Variants in UBXN7 observed in about 807,000 individuals in gnomAD.
UBXN7 encodes UBX domain-containing protein 7.
A neutral mutation model predicts 58.0 loss-of-function variants in UBXN7; 9 were observed. That is an observed-to-expected ratio of 0.16 (90% confidence interval 0.09 to 0.27). UBXN7 has a LOEUF of 0.27. UBXN7 is among the 10% of genes least tolerant of loss of function. UBXN7 has a pLI of 1.00. For synonymous variants in UBXN7, 208 were observed against 205.0 expected (o/e 1.01, Z -0.12); for missense variants, 328 against 599.6 (o/e 0.55, Z 4.73).
At chr3:196,400,786 T>C (rs1413145590) in intron 3 of UBXN7, 2 of 326,894 alleles carry the variant, frequency 6.1e-6, no homozygotes, top group Admixed American at 4.5e-5. Context: ...AATGGAATTC[T>C]TCTGCCTCTG....
chr3:196,412,394 T>C (rs1298146485), intron 1 of UBXN7, among the ~76,000 whole-genome samples: 1 of 152,052 alleles, frequency 6.6e-6, no homozygotes, highest in Non-Finnish European at 1.5e-5. Flanking sequence ...TACCAGCTTA[T>C]ACCCATTAAA....
At chr3:196,412,423 C>A (rs1730361353) in intron 1 of UBXN7, among the ~76,000 whole-genome samples, 1 of 151,506 alleles carries the variant, frequency 6.6e-6, no homozygotes, top group Non-Finnish European at 1.5e-5. Context: ...TATTAAAAAA[C>A]AAAAAATAAC....
Position 196,362,386 on chromosome 3 carries a change from G to T in UBXN7, c.1136C>A (p.Thr379Lys). 6.2e-7 allele frequency: 1 copy of T among 1,614,202 alleles called. No homozygotes were observed. The highest frequency in any genetic ancestry group is 1.1e-5 in the South Asian group (1 of 91,086). Residue 379 changes from threonine to lysine, a missense_variant, in exon 9 of 11, where the codon ACA becomes AAA. Coordinates refer to ENST00000296328, the MANE Select transcript of UBXN7 (RefSeq NM_015562.2). ...PPVRTDPGTA[T>K]NHQGLPAVDS... Reference sequence around the variant, plus strand: ...CACAGCTGGCAATCCTTGGTGGTTTGTGGCTGTTCCAGGATCAGTTCTGAC... The same window carrying T: ...CACAGCTGGCAATCCTTGGTGGTTTTTGGCTGTTCCAGGATCAGTTCTGAC...
chr3:196,398,542 A>C (rs1032985056), intron 3 of UBXN7, among the ~76,000 whole-genome samples: 7 of 152,216 alleles, frequency 4.6e-5, no homozygotes, highest in Non-Finnish European at 1.0e-4. Flanking sequence ...CACTGATCTT[A>C]TCAGAAAGCC....
At chr3:196,364,208 C>T (rs952996363) in intron 8 of UBXN7, among the ~76,000 whole-genome samples, 1 of 152,074 alleles carries the variant, frequency 6.6e-6, no homozygotes, top group Non-Finnish European at 1.5e-5. Context: ...TAATGAATCA[C>T]AAAATACGTT....
chr3:196,358,396 T>C (rs1003486781), intron 10 of UBXN7, among the ~76,000 whole-genome samples: 7 of 152,186 alleles, frequency 4.6e-5, no homozygotes, highest in African/African-American at 1.4e-4. Context: ...CACTGGAACA[T>C]ACCTTACGTG....
intron 3 of UBXN7, among the ~76,000 whole-genome samples, chr3:196,395,040 T>C (rs1034517024): frequency 6.6e-6 from 1 of 152,214 alleles, no homozygotes; most frequent in African/African-American, 2.4e-5. Flanking sequence ...CCAGATCATT[T>C]ATGTACATTA....
intron 1 of UBXN7, among the ~76,000 whole-genome samples, chr3:196,419,562 G>C (rs755939001): frequency 6.6e-6 from 1 of 152,152 alleles, no homozygotes; most frequent in Non-Finnish European, 1.5e-5. Context: ...TGTTCTTAGC[G>C]TATCACTTAG....
Position 196,393,546 on chromosome 3 carries a change from A to G in UBXN7, c.355+8T>C, listed in dbSNP as rs772819468. On this transcript the variant is annotated splice_region_variant and intron_variant, in intron 4 of 10. Coordinates refer to ENST00000296328, the MANE Select transcript of UBXN7 (RefSeq NM_015562.2). The stretch of plus-strand genomic sequence containing the variant: ...AGGGAGATGATAAACTGGTCCATAG[A>G]TACCTACTAGTTTCAGTCTGAAAAT... 1 of 1,611,808 alleles carries G rather than the reference A, an allele frequency of 6.2e-7. No homozygotes were observed. Among genetic ancestry groups the G allele is most frequent in the Non-Finnish European group, 8.5e-7 (1 of 1,178,660 alleles).
intron 1 of UBXN7, among the ~76,000 whole-genome samples, chr3:196,430,878 A>G (rs1159370753): frequency 6.6e-6 from 1 of 152,102 alleles, no homozygotes; most frequent in African/African-American, 2.4e-5. Flanking sequence ...TTAATATAAT[A>G]ATCCAATCCT....
chr3:196,359,276 C>T (rs548244407), intron 10 of UBXN7, among the ~76,000 whole-genome samples: 2 of 152,072 alleles, frequency 1.3e-5, no homozygotes, highest in African/African-American at 4.8e-5. Context: ...CACACAAGAC[C>T]GCAAACTTAA....
At chr3:196,403,469 G>C (rs765289817) in intron 2 of UBXN7, among the ~76,000 whole-genome samples, 1 of 152,130 alleles carries the variant, frequency 6.6e-6, no homozygotes, top group African/African-American at 2.4e-5. Flanking sequence ...GCTGATAAAT[G>C]AGTTTTAGAT....
intron 8 of UBXN7, 76 bp from the exon 9 acceptor site, chr3:196,362,763 T>C (rs1728539376): frequency 2.0e-6 from 3 of 1,495,210 alleles, no homozygotes; most frequent in South Asian, 1.3e-5. Context: ...ATAAGAAATA[T>C]AATAGCTTGC....
At chr3:196,386,262 G>T (rs1424357341) in intron 5 of UBXN7, among the ~76,000 whole-genome samples, 1 of 151,410 alleles carries the variant, frequency 6.6e-6, no homozygotes, top group Non-Finnish European at 1.5e-5. Context: ...GGCCCTCTGC[G>T]TAGGAAAACC....
At chr3:196,407,183 TA>T in intron 2 of UBXN7, 62 bp downstream of exon 2, 1 of 1,571,954 alleles carries the variant, frequency 6.4e-7, no homozygotes, top group East Asian at 2.3e-5. Context: ...CTAGCTTTGA[TA>T]AAAATGCAAC....
chr3:196,419,902 A>G (rs1308306331), intron 1 of UBXN7, among the ~76,000 whole-genome samples: 1 of 152,248 alleles, frequency 6.6e-6, no homozygotes, highest in Non-Finnish European at 1.5e-5. Flanking sequence ...TGGAATGGAT[A>G]GAACAGTCCT....
intron 1 of UBXN7, among the ~76,000 whole-genome samples, chr3:196,431,206 T>TA (rs1731034324): frequency 6.6e-6 from 1 of 152,156 alleles, no homozygotes; most frequent in African/African-American, 2.4e-5. Context: ...AATTACGAGA[T>TA]AAAGTATAGA....
At chr3:196,432,029 C>T in intron 1 of UBXN7, 2 of 549,056 alleles carry the variant, frequency 3.6e-6, no homozygotes, top group Non-Finnish European at 6.6e-6. Flanking sequence ...CCCCGGGTCC[C>T]CGGGCCGGCG....
At chr3:196,360,307 A>G (rs779041555) in intron 10 of UBXN7, among the ~76,000 whole-genome samples, 8 of 152,256 alleles carry the variant, frequency 5.3e-5, no homozygotes, top group Admixed American at 2.0e-4. Flanking sequence ...GATGCCATCA[A>G]GGACTTTCAC....
Sources: gnomAD v4.1 joint callset for allele counts (sites outside exome capture counted in the v4.1 genomes callset) on GRCh38, gnomAD v4.1.1 for gene constraint, MANE v1.5 for transcripts, NCBI Gene and HGNC (gene_info 2026-07-23, HGNC 2026-07-21) for gene names.